CNOT3: variants seen among roughly 807,000 people sequenced by gnomAD.
CNOT3 encodes the protein CCR4-NOT transcription complex subunit 3, also known as CCR4-associated factor 3.
Under a neutral mutation model 89.4 loss-of-function variants are expected in CNOT3, and 2 were observed. The ratio of observed to expected loss-of-function variants is 0.02; its 90% CI spans 0.01 to 0.07. CNOT3 has a LOEUF of 0.07. Ranked by LOEUF, CNOT3 falls within the 10% of genes least tolerant of loss-of-function variation. CNOT3 has a pLI of 1.00. For synonymous variants in CNOT3, 486 were observed against 402.0 expected, an observed-to-expected ratio of 1.21 and a Z score of -2.50; for missense variants, 664 against 1,010.2, an observed-to-expected ratio of 0.66 and a Z score of 4.65.
intron 13 of CNOT3, among the ~76,000 whole-genome samples, chr19:54,151,708 A>G (rs1333762627): frequency 1.3e-4 from 20 of 152,168 alleles, no homozygotes; most frequent in African/African-American, 4.8e-4. Flanking sequence ...TGGAGACCCA[A>G]CCTACCTGTT....
intron 13 of CNOT3, 46 bp downstream of exon 13, chr19:54,149,804 T>TAACA: frequency 1.3e-6 from 2 of 1,528,524 alleles, no homozygotes; most frequent in Non-Finnish European, 1.8e-6. Flanking sequence ...CTGACTCTGT[T>TAACA]GTTTCTTTCC....
chr19:54,141,604 A>G (rs1427241592), intron 1 of CNOT3: 1 of 152,182 alleles, frequency 6.6e-6, no homozygotes, highest in African/African-American at 2.4e-5. Context: ...AGCATTGCAA[A>G]GTTCTGTTGG....
rs2074282687 is a variant in CNOT3 at position 54,137,953 on chromosome 19, C to T, written c.-91C>T. The stretch of plus-strand genomic sequence containing the variant: ...GGCGGCGGGCGCTCGCCTCCCCCGC[C>T]TGTCGCGATACGCTCCTCAGCGGCG... On this transcript the variant is annotated 5_prime_UTR_variant, in exon 1 of 18. Coordinates refer to ENST00000221232, the MANE Select transcript of CNOT3 (RefSeq NM_014516.4). 2 of 152,284 alleles carry T rather than the reference C, an allele frequency of 1.3e-5. No individual in the cohort carries two copies. Among genetic ancestry groups the T allele is most frequent in the East Asian group, 1.9e-4 (1 of 5,156 alleles). The allele number at this position is 152,284 out of a possible 1,614,324, so 9.4% of individuals were successfully genotyped here. A position where few individuals can be genotyped will look rare whatever the true frequency, so the allele number is the denominator to read the frequency against.
Position 54,155,571 on chromosome 19 carries a change from TG to T in CNOT3, c.*169del. Reference sequence around the variant, plus strand: ...GGAGGTTTTCCTCTCAGCCCCACCCTGGGGGCCCGGGGGCGAGGGCTGCCCC... The same window carrying T: ...GGAGGTTTTCCTCTCAGCCCCACCCTGGGGCCCGGGGGCGAGGGCTGCCCC... On this transcript the variant is annotated 3_prime_UTR_variant, in exon 18 of 18. Coordinates refer to ENST00000221232, the MANE Select transcript of CNOT3 (RefSeq NM_014516.4). The T allele has an allele frequency of 1.0e-6, 1 of 982,550 alleles. No individual in the cohort carries two copies. The allele number at this position is 982,550 out of a possible 1,614,324, so 60.9% of individuals were successfully genotyped here.
Position 54,142,987 on chromosome 19 carries a change from C to A in CNOT3, c.9C>A (p.Asp3Glu). ...TCTGTAGGGCAGGGAAGATGGCGGA[C>A]AAGCGCAAACTCCAAGGTACTAGAC... is the stretch of plus-strand genomic sequence containing the variant. MA[D>E]KRKLQGEIDR... Residue 3 changes from aspartate (D) to glutamate (E), a missense_variant, in exon 2 of 18, where the codon GAC becomes GAA. Asp to Glu is a conservative substitution (Grantham distance 45). Around this residue, in one of 8 missense-constraint regions of CNOT3, gnomAD observed 27 missense variants for 158.2 expected, o/e 0.17. Coordinates refer to ENST00000221232, the MANE Select transcript of CNOT3 (RefSeq NM_014516.4). 1 of 1,614,052 alleles carries A rather than the reference C, an allele frequency of 6.2e-7. No individual in the cohort carries two copies. The highest frequency in any genetic ancestry group is 8.5e-7 in the Non-Finnish European group (1 of 1,179,982).
At chr19:54,142,837 C>T in intron 1 of CNOT3, 92 bp from the exon 2 acceptor site, 1 of 797,538 alleles carries the variant, frequency 1.3e-6, no homozygotes, top group South Asian at 1.4e-5. Flanking sequence ...TTTACCAGTC[C>T]CACCTACCTC....
chr19:54,137,812 G>A lies in CNOT3; in HGVS notation c.-232G>A, dbSNP rs918954053. The A allele has an allele frequency of 2.0e-5, 3 of 151,814 alleles. No individual in the cohort carries two copies. Among genetic ancestry groups the A allele is most frequent in the East Asian group, 3.9e-4 (2 of 5,140 alleles). The allele number at this position is 151,814 out of a possible 1,614,324, so 9.4% of individuals were successfully genotyped here. On this transcript the variant is annotated 5_prime_UTR_variant, in exon 1 of 18. Coordinates refer to ENST00000221232, the MANE Select transcript of CNOT3 (RefSeq NM_014516.4). ...CCGCGGAGCCATCGGCAGACGCCGC[G>A]GCCTCCCTTGAGCCCCGACCCCCGT...
At chr19:54,139,928 C>G (rs1243859568) in intron 1 of CNOT3, among the ~76,000 whole-genome samples, 5 of 152,146 alleles carry the variant, frequency 3.3e-5, no homozygotes, top group Admixed American at 2.0e-4. Flanking sequence ...CTCAGAGCCT[C>G]TGTGTGGCCA....
Position 54,146,171 on chromosome 19 carries a change from C to G in CNOT3, c.837+128C>G, listed in dbSNP as rs757381023. Reference sequence around the variant, plus strand: ...AAACACAGATCTAGGTATCCAGGGTCTAGGCTCTTGGAGCACACGCTAAGG... The same window carrying G: ...AAACACAGATCTAGGTATCCAGGGTGTAGGCTCTTGGAGCACACGCTAAGG... On this transcript the variant is annotated intron_variant, in intron 9 of 17. Coordinates refer to ENST00000221232, the MANE Select transcript of CNOT3 (RefSeq NM_014516.4). 66 of 1,022,112 alleles carry G rather than the reference C, an allele frequency of 6.5e-5. No individual in the cohort carries two copies. The East Asian group carries it at 1.6e-3, about 25-fold the overall frequency. 63.3% of individuals were successfully genotyped at this position (1,022,112 alleles called of 1,614,324 possible).
rs2074613388 is a variant in CNOT3 at position 54,145,230 on chromosome 19, G to A, written c.484-368G>A. ...GGAGCAGGTCGGAGGGTATCTGTAT[G>A]CCAGAGGCAGTCACAGTGGTGGGCG... On this transcript the variant is annotated intron_variant, in intron 7 of 17. Transcript: ENST00000221232. The surrounding 1 kb of genome is among the most constrained non-coding windows in gnomAD (Gnocchi z 5.9). 6.6e-6 allele frequency among the ~76,000 whole-genome samples: 1 copy of A among 152,134 alleles called. No individual in the cohort carries two copies. Among genetic ancestry groups the A allele is most frequent in the Non-Finnish European group, 1.5e-5 (1 of 68,006 alleles).
rs767710793 is a variant in CNOT3, at chr19:54,153,335, C to T, written c.2037+336C>T. On this transcript the variant is annotated intron_variant, in intron 16 of 17. Coordinates refer to ENST00000221232, the MANE Select transcript of CNOT3 (RefSeq NM_014516.4). ...AGGCCGACCCCACTCTGCTCATTGG[C>T]ACATTCTCAGGCCTCCCTGGAGACC... 4 of 761,878 alleles carry T rather than the reference C, an allele frequency of 5.3e-6. No homozygotes were observed. In the East Asian group the frequency reaches 9.8e-5, roughly 19 times the overall value. The allele number at this position is 761,878 out of a possible 1,614,324, so 47.2% of individuals were successfully genotyped here.
chr19:54,149,664 C>T lies in CNOT3; in HGVS notation c.1511C>T (p.Pro504Leu). The T allele has an allele frequency of 6.2e-7, 1 of 1,614,058 alleles. No individual in the cohort carries two copies. ...CTCCTGGTGCCACTGCCTGTGAATC[C>T]TCCCAGCTCCCCAACGCCCAGCTTC... ...PSLLVPLPVN[P>L]PSSPTPSFSD... The change falls in exon 13 of 18, where the codon CCT (proline) becomes CTT (leucine). Residue 504 changes from proline (P) to leucine (L), a missense_variant. Transcript: ENST00000221232.
intron 13 of CNOT3, among the ~76,000 whole-genome samples, chr19:54,151,855 G>T (rs587709702): frequency 1.3e-5 from 2 of 152,318 alleles, no homozygotes; most frequent in Non-Finnish European, 2.9e-5. Flanking sequence ...CAGCGTGTAG[G>T]TGTCCCTAGT....
Position 54,145,895 on chromosome 19 carries a change from C to T in CNOT3, c.704-15C>T, listed in dbSNP as rs2074646467. 6.2e-7 allele frequency: 1 copy of T among 1,613,090 alleles called. No homozygotes were observed. Among genetic ancestry groups the T allele is most frequent in the South Asian group, 1.1e-5 (1 of 90,972 alleles). ...GTGTGAGCCAGCTAAGCATGCCCTT[C>T]TTCTGCCCCCACAGCACAGGCGCTG... On this transcript the variant is annotated splice_polypyrimidine_tract_variant and intron_variant, in intron 8 of 17. Coordinates refer to ENST00000221232, the MANE Select transcript of CNOT3 (RefSeq NM_014516.4). This position sits in a 1 kb window ranked among gnomAD's most constrained non-coding sequence, Gnocchi z 5.9.
intron 13 of CNOT3, among the ~76,000 whole-genome samples, chr19:54,151,986 A>G (rs2075141054): frequency 6.6e-6 from 1 of 152,252 alleles, no homozygotes. Flanking sequence ...ATCTCGGCGT[A>G]GTATTCCATG....
chr19:54,148,415 C>T lies in CNOT3; in HGVS notation c.1162C>T (p.Pro388Ser). 1 of 1,564,538 alleles carries T rather than the reference C, an allele frequency of 6.4e-7. No homozygotes were observed. The highest frequency in any genetic ancestry group is 2.3e-5 in the East Asian group (1 of 44,356). Residue 388 changes from proline to serine, a missense_variant, in exon 11 of 18, where the codon CCC becomes TCC. Coordinates refer to ENST00000221232, the MANE Select transcript of CNOT3 (RefSeq NM_014516.4). This position sits in a 1 kb window ranked among gnomAD's most constrained non-coding sequence, Gnocchi z 6.3. ...PAPSGPSTTQPRPPSVQPSGG... is the reference protein window; with the variant it reads ...PAPSGPSTTQSRPPSVQPSGG... The stretch of plus-strand genomic sequence containing the variant: ...TCCCAGTGGGCCCAGCACGACCCAG[C>T]CCCGGCCCCCCAGCGTCCAGCCTAG...
chr19:54,143,927 C>G (rs1420641725), intron 5 of CNOT3, 79 bp from the exon 6 acceptor site: 1 of 1,558,192 alleles, frequency 6.4e-7, no homozygotes, highest in Non-Finnish European at 8.7e-7. Context: ...TCACGAGGCT[C>G]AGGTCGGAGT....
intron 13 of CNOT3, among the ~76,000 whole-genome samples, chr19:54,150,708 C>T (rs888298350): frequency 4.7e-5 from 7 of 149,848 alleles, no homozygotes; most frequent in Non-Finnish European, 1.0e-4. Context: ...ACGATTATAC[C>T]TACTATGTAG....
intron 1 of CNOT3, among the ~76,000 whole-genome samples, chr19:54,138,235 C>T (rs2074297159): frequency 6.6e-6 from 1 of 151,914 alleles, no homozygotes; most frequent in Non-Finnish European, 1.5e-5. Flanking sequence ...GGGGGTCCTT[C>T]CGCGACCCGG....
Sources: allele counts gnomAD v4.1 joint callset (sites outside exome capture counted in the v4.1 genomes callset), GRCh38; gene constraint gnomAD v4.1.1; regional missense constraint gnomAD v4.1.1; non-coding constraint Gnocchi (gnomAD v3.1); transcripts MANE v1.5; gene names NCBI Gene and HGNC (gene_info 2026-07-23, HGNC 2026-07-21).